Variants in MRTFA observed in about 807,000 individuals in gnomAD.
MRTFA encodes myocardin-related transcription factor A.
A neutral mutation model predicts 83.5 loss-of-function variants in MRTFA; 20 were observed. The observed-to-expected ratio is 0.24, with a 90% confidence interval of 0.17 to 0.35. The LOEUF (loss-of-function observed/expected upper bound fraction) is 0.35. Ranked by LOEUF, MRTFA falls within the 10% of genes least tolerant of loss-of-function variation. The pLI, the probability that MRTFA is intolerant of heterozygous loss-of-function variation, is 1.00. For synonymous variants in MRTFA, 659 were observed against 541.2 expected (o/e 1.22, Z -3.02); for missense variants, 1,200 against 1,224.7 (o/e 0.98, Z 0.30).
intron 2 of MRTFA, among the ~76,000 whole-genome samples, chr22:40,567,899 T>G (rs117518970): frequency 6.6e-6 from 1 of 152,194 alleles, no homozygotes; most frequent in East Asian, 1.9e-4. Flanking sequence ...CCTCTCCGGA[T>G]AGATCAAGAA....
At chr22:40,503,532 G>A (rs1465485656) in intron 3 of MRTFA, among the ~76,000 whole-genome samples, 1 of 152,174 alleles carries the variant, frequency 6.6e-6, no homozygotes, top group Non-Finnish European at 1.5e-5. Flanking sequence ...TTTTAGAGTG[G>A]AGTGTCCTTT....
chr22:40,533,825 T>C, intron 3 of MRTFA: 2 of 392,308 alleles, frequency 5.1e-6, no homozygotes. Context: ...ATGACACAGA[T>C]TTGAATTACT....
At chr22:40,627,280 C>CT (rs1186317513) in intron 1 of MRTFA, among the ~76,000 whole-genome samples, 7 of 152,212 alleles carry the variant, frequency 4.6e-5, no homozygotes, top group African/African-American at 7.2e-5. Flanking sequence ...TGCTGAGCTA[C>CT]TTTTTTTACT....
intron 1 of MRTFA, among the ~76,000 whole-genome samples, chr22:40,626,018 C>A (rs1309575701): frequency 6.6e-6 from 1 of 151,994 alleles, no homozygotes; most frequent in Non-Finnish European, 1.5e-5. Flanking sequence ...GTGTCTCACT[C>A]TGTCCCCCAG....
chr22:40,569,775 A>ATCCATC (rs1569333195), intron 2 of MRTFA: 8 of 126,586 alleles, frequency 6.3e-5, no homozygotes, highest in Admixed American at 2.4e-4. Flanking sequence ...ATACATACAT[A>ATCCATC]CATCAAGGGG....
At chr22:40,516,247 T>C (rs2054756225) in intron 3 of MRTFA, among the ~76,000 whole-genome samples, 1 of 151,692 alleles carries the variant, frequency 6.6e-6, no homozygotes, top group South Asian at 2.1e-4. Context: ...GGCGAAATCC[T>C]GCCTCTACTA....
intron 3 of MRTFA, among the ~76,000 whole-genome samples, chr22:40,475,689 T>C (rs1240450096): frequency 6.6e-6 from 1 of 152,202 alleles, no homozygotes; most frequent in Non-Finnish European, 1.5e-5. Flanking sequence ...CATGTGTACA[T>C]TAAAAATAAA....
chr22:40,519,608 T>G lies in MRTFA; in HGVS notation c.241+32498A>C, dbSNP rs1448647197. 3 of 1,320,538 alleles carry G rather than the reference T, an allele frequency of 2.3e-6. No homozygotes were observed. In the African/African-American group the frequency reaches 4.5e-5, roughly 20 times the overall value. 81.8% of individuals were successfully genotyped at this position (1,320,538 alleles called of 1,614,324 possible). A position where few individuals can be genotyped will look rare whatever the true frequency, so the allele number is the denominator to read the frequency against. ...GATTTGTTATACCCAATTTGAGACA[T>G]TTTTCTGTTGTACATAAAAGCAAAA... On this transcript the variant is annotated intron_variant, in intron 3 of 14. Transcript: ENST00000355630.
At chr22:40,461,628 CAAAAAA>C (rs71199287) in intron 4 of MRTFA, among the ~76,000 whole-genome samples, 3 of 100,386 alleles carry the variant, frequency 3.0e-5, no homozygotes, top group East Asian at 6.5e-4. Flanking sequence ...ACTAAAAATA[CAAAAAA>C]AAAAAAAAAA....
rs77370925 is a variant in MRTFA, at chr22:40,418,593, G to A, written c.2145C>T (p.Ala715=). 7 of 1,546,232 alleles carry A rather than the reference G, an allele frequency of 4.5e-6. No individual in the cohort carries two copies. The highest frequency in any genetic ancestry group is 2.1e-5 in the Admixed American group (1 of 47,272). The change falls in exon 12 of 15, where the codon GCC becomes GCT. Residue 715 remains alanine (A), a synonymous_variant. Coordinates refer to ENST00000355630, the MANE Select transcript of MRTFA (RefSeq NM_020831.6). ...TCACCACCACGGACGGGGGCCCCGGGGCCACAGCACAAGGGTCTATGTGGT... is the reference window on the plus strand; with the variant it reads ...TCACCACCACGGACGGGGGCCCCGGAGCCACAGCACAAGGGTCTATGTGGT...
intron 9 of MRTFA, among the ~76,000 whole-genome samples, chr22:40,422,773 C>T (rs536718454): frequency 1.3e-5 from 2 of 152,348 alleles, no homozygotes; most frequent in South Asian, 4.1e-4. Flanking sequence ...GCACAAGCAC[C>T]AGACAGCCCA....
chr22:40,592,452 A>C (rs1410882708), intron 2 of MRTFA, among the ~76,000 whole-genome samples: 5 of 149,220 alleles, frequency 3.4e-5, no homozygotes, highest in Admixed American at 1.3e-4. Context: ...CCTGTCTCTT[A>C]ACTTAAAAAA....
intron 3 of MRTFA, among the ~76,000 whole-genome samples, chr22:40,464,838 C>T (rs1569280713): frequency 1.3e-5 from 2 of 152,166 alleles, no homozygotes; most frequent in South Asian, 4.1e-4. Context: ...AATGATATCA[C>T]TATCTTTCCC....
In MRTFA at chr22:40,627,158, T is replaced by C. The variant is rs76630658; in HGVS notation, c.-84+9320A>G. ...CAGTATGCCTTTATTTGGTAATTTT[T>C]TTGTTTCTGAGACAGTCTCACTCTG... On this transcript the variant is annotated intron_variant, in intron 1 of 14. Coordinates refer to ENST00000355630, the MANE Select transcript of MRTFA (RefSeq NM_020831.6). Among the ~76,000 whole-genome samples, 1,149 of 152,308 alleles carry C rather than the reference T, an allele frequency of 7.5e-3. 14 individuals are homozygous for C. Among genetic ancestry groups the C allele is most frequent in the African/African-American group, 0.027 (1,104 of 41,560 alleles).
intron 1 of MRTFA, among the ~76,000 whole-genome samples, chr22:40,612,260 CA>C (rs1386602988): frequency 1.3e-5 from 2 of 151,600 alleles, no homozygotes; most frequent in Non-Finnish European, 2.9e-5. Context: ...CAGGAGAAAC[CA>C]AAAAAAATTA....
intron 1 of MRTFA, among the ~76,000 whole-genome samples, chr22:40,632,902 C>T (rs1457365006): frequency 1.3e-5 from 2 of 152,232 alleles, no homozygotes; most frequent in African/African-American, 4.8e-5. Flanking sequence ...CTCCAAAACT[C>T]TAATTTCCTT....
At chr22:40,636,110 A>G (rs1254273004) in intron 1 of MRTFA, among the ~76,000 whole-genome samples, 1 of 152,230 alleles carries the variant, frequency 6.6e-6, no homozygotes, top group Non-Finnish European at 1.5e-5. Flanking sequence ...AGGTCTGCAC[A>G]AGACCCCAGA....
chr22:40,520,144 T>G (rs1188947000), intron 3 of MRTFA, among the ~76,000 whole-genome samples: 2 of 152,204 alleles, frequency 1.3e-5, no homozygotes, highest in Non-Finnish European at 2.9e-5. Flanking sequence ...CTGCTGTCAC[T>G]CTAGAGAAAC....
chr22:40,423,418 C>T (rs1023490581), intron 9 of MRTFA, 118 bp downstream of exon 9: 2 of 946,046 alleles, frequency 2.1e-6, no homozygotes. Context: ...ACTCCCAGAC[C>T]AATGGGAGAA....
Sources: allele counts gnomAD v4.1 joint callset (sites outside exome capture counted in the v4.1 genomes callset), GRCh38; gene constraint gnomAD v4.1.1; transcripts MANE v1.5; gene names NCBI Gene and HGNC (gene_info 2026-07-23, HGNC 2026-07-21).